The following CAMK1G variants were observed in gnomAD, a reference collection of about 807,000 sequenced individuals.
CAMK1G encodes calcium/calmodulin dependent protein kinase IG.
Under a neutral mutation model 54.8 loss-of-function variants are expected in CAMK1G, and 27 were observed. That is an observed-to-expected ratio of 0.49 (90% confidence interval 0.36 to 0.68). CAMK1G has a LOEUF of 0.68. Ranked by LOEUF, CAMK1G falls within the 30% of genes least tolerant of loss-of-function variation. The pLI is 0.00. For synonymous variants in CAMK1G, 238 were observed against 224.9 expected, an observed-to-expected ratio of 1.06 and a Z score of -0.52; for missense variants, 512 against 591.0, an observed-to-expected ratio of 0.87 and a Z score of 1.39.
intron 1 of CAMK1G, among the ~76,000 whole-genome samples, chr1:209,584,124 C>T (rs1011061206): frequency 6.6e-6 from 1 of 152,124 alleles, no homozygotes; most frequent in Non-Finnish European, 1.5e-5. Context: ...TAGAGGGACC[C>T]CGTCCATCTG....
intron 2 of CAMK1G, among the ~76,000 whole-genome samples, chr1:209,599,047 A>T (rs901252063): frequency 1.3e-5 from 2 of 152,220 alleles, no homozygotes; most frequent in Admixed American, 6.5e-5. Flanking sequence ...CAATCATGGC[A>T]GAAGGTGAAG....
intron 1 of CAMK1G, among the ~76,000 whole-genome samples, chr1:209,587,886 C>T (rs1251092788): frequency 1.3e-5 from 2 of 151,046 alleles, no homozygotes; most frequent in Non-Finnish European, 3.0e-5. Flanking sequence ...TCGGTGTGCC[C>T]CAGCCTGGAG....
chr1:209,590,161 A>G (rs1368167179), intron 1 of CAMK1G, among the ~76,000 whole-genome samples: 1 of 152,220 alleles, frequency 6.6e-6, no homozygotes, highest in African/African-American at 2.4e-5. Flanking sequence ...TGGAGCTTCA[A>G]GCTCCTTAGA....
At position 209,590,759 on chromosome 1, in the gene CAMK1G, T is replaced by C. The variant is rs7527972; in HGVS notation, c.-29-4196T>C. ...AGAGAGCAAGGATGGGGGAGGCACA[T>C]AGGCGGCTGATTTTGCTTTGTTAAA... On this transcript the variant is annotated intron_variant, in intron 1 of 12. Coordinates refer to ENST00000361322, the MANE Select transcript of CAMK1G (RefSeq NM_020439.3). 9.3e-3 allele frequency among the ~76,000 whole-genome samples: 1,421 copies of C among 152,164 alleles called. 21 individuals carry two copies. The highest frequency in any genetic ancestry group is 0.033 in the African/African-American group (1,360 of 41,504).
intron 1 of CAMK1G, among the ~76,000 whole-genome samples, chr1:209,587,441 T>C (rs1665131975): frequency 6.6e-6 from 1 of 152,066 alleles, no homozygotes; most frequent in Non-Finnish European, 1.5e-5. Context: ...ATCTACGAAA[T>C]TTGGGAAATG....
At chr1:209,602,884 G>A (rs1430037323) in intron 3 of CAMK1G, among the ~76,000 whole-genome samples, 2 of 152,170 alleles carry the variant, frequency 1.3e-5, no homozygotes, top group Non-Finnish European at 2.9e-5. Context: ...ATAACCTAGT[G>A]TTGGGTACTC....
At chr1:209,597,552 C>T (rs557345844) in intron 2 of CAMK1G, among the ~76,000 whole-genome samples, 19 of 152,306 alleles carry the variant, frequency 1.2e-4, no homozygotes, top group African/African-American at 4.6e-4. Flanking sequence ...AGAATGGAAA[C>T]ACTCACCTTT....
chr1:209,595,744 C>A (rs74451179), intron 2 of CAMK1G, among the ~76,000 whole-genome samples: 1,947 of 152,336 alleles, frequency 0.013, 47 homozygotes, highest in African/African-American at 0.045. Flanking sequence ...CCTGCACCAC[C>A]ATCCTCCCTC....
intron 9 of CAMK1G, 87 bp downstream of exon 9, chr1:209,610,016 T>A: frequency 9.3e-7 from 1 of 1,078,444 alleles, no homozygotes; most frequent in Non-Finnish European, 1.4e-6. Flanking sequence ...TTCCCTGGAA[T>A]CTGCTTGTCC....
intron 3 of CAMK1G, among the ~76,000 whole-genome samples, chr1:209,602,954 G>A (rs1430046510): frequency 1.3e-5 from 2 of 152,090 alleles, no homozygotes; most frequent in Non-Finnish European, 2.9e-5. Flanking sequence ...GAGATTCCTG[G>A]CATAACAAGG....
Position 209,613,025 on chromosome 1 carries a change from C to T in CAMK1G, c.*38-15C>T, listed in dbSNP as rs1392133362. On this transcript the variant is annotated splice_polypyrimidine_tract_variant and intron_variant, in intron 12 of 12. Transcript: ENST00000361322. ...TGGCAACCCCCTCCTCACTCTGAGC[C>T]CCTTTCTCTTGCAGGAGACATATTC... is the stretch of plus-strand genomic sequence containing the variant. 1.7e-6 allele frequency: 1 copy of T among 604,900 alleles called. No individual in the cohort carries two copies. Among genetic ancestry groups the T allele is most frequent in the East Asian group, 2.8e-5 (1 of 35,766 alleles). 37.5% of individuals were successfully genotyped at this position (604,900 alleles called of 1,614,324 possible). A position where few individuals can be genotyped will look rare whatever the true frequency, so the allele number is the denominator to read the frequency against.
At chr1:209,604,183 G>C (rs1369807816) in intron 4 of CAMK1G, among the ~76,000 whole-genome samples, 1 of 152,204 alleles carries the variant, frequency 6.6e-6, no homozygotes, top group Non-Finnish European at 1.5e-5. Context: ...CTAAGCACCT[G>C]ATTAACTGGG....
In CAMK1G at chr1:209,609,062, T is replaced by C; in HGVS notation, c.718T>C (p.Ser240Pro). 7 of 1,613,952 alleles carry C rather than the reference T, an allele frequency of 4.3e-6. No individual in the cohort carries two copies. The highest frequency in any genetic ancestry group is 5.9e-6 in the Non-Finnish European group (7 of 1,179,976). Residue 240 changes from serine (S) to proline (P), a missense_variant, in exon 8 of 13, where the codon TCT becomes CCT. By Grantham distance (74) the Ser-to-Pro change is moderately conservative. Around this residue, in one of 3 missense-constraint regions of CAMK1G, gnomAD observed 315 missense variants for 330.5 expected, o/e 0.95. Coordinates refer to ENST00000361322, the MANE Select transcript of CAMK1G (RefSeq NM_020439.3). ...CAAGGAGGGCTACTATGAGTTTGAGTCTCCATTCTGGGATGACATTTCTGA... is the reference window on the plus strand; with the variant it reads ...CAAGGAGGGCTACTATGAGTTTGAGCCTCCATTCTGGGATGACATTTCTGA... ...KIKEGYYEFE[S>P]PFWDDISESA...
intron 1 of CAMK1G, among the ~76,000 whole-genome samples, chr1:209,586,599 C>T (rs1665107766): frequency 6.6e-6 from 1 of 152,086 alleles, no homozygotes; most frequent in Non-Finnish European, 1.5e-5. Flanking sequence ...TTCTCCAGTG[C>T]TTAGTGTTTA....
chr1:209,599,156 C>T (rs545516409), intron 2 of CAMK1G, among the ~76,000 whole-genome samples: 1 of 152,116 alleles, frequency 6.6e-6, no homozygotes, highest in Non-Finnish European at 1.5e-5. Flanking sequence ...AGAACTCACT[C>T]ACTATCCTGA....
rs906694957 is a variant in CAMK1G, at chr1:209,599,862, T to C, written c.93-121T>C. On this transcript the variant is annotated intron_variant, in intron 2 of 12. Coordinates refer to ENST00000361322, the MANE Select transcript of CAMK1G (RefSeq NM_020439.3). ...ATGTTTCTTCCAGATTTAAATTCAG[T>C]ATATGCCTTTGTGGTCAGAGGACTA... 9.4e-6 allele frequency: 11 copies of C among 1,165,722 alleles called. No individual in the cohort carries two copies. The East Asian group carries it at 2.6e-4, about 27-fold the overall frequency. 72.2% of individuals were successfully genotyped at this position (1,165,722 alleles called of 1,614,324 possible). A position where few individuals can be genotyped will look rare whatever the true frequency, so the allele number is the denominator to read the frequency against.
intron 4 of CAMK1G, 123 bp downstream of exon 4, chr1:209,603,411 G>C (rs890811369): frequency 1.4e-6 from 1 of 739,612 alleles, no homozygotes; most frequent in African/African-American, 1.8e-5. Flanking sequence ...CTTCATTCAG[G>C]AGGCTCAGAA....
In CAMK1G at chr1:209,600,034, C is replaced by G. The variant is rs768791768; in HGVS notation, c.144C>G (p.Leu48=). 3 of 1,614,002 alleles carry G rather than the reference C, an allele frequency of 1.9e-6. No homozygotes were observed. In the South Asian group the frequency reaches 3.3e-5, roughly 18 times the overall value. Residue 48 remains leucine (L), a synonymous_variant, in exon 3 of 13, where the codon CTC becomes CTG. Coordinates refer to ENST00000361322, the MANE Select transcript of CAMK1G (RefSeq NM_020439.3). ...TGAAGCAAAGACTGACTGGGAAGCT[C>G]TTTGCTCTGAAGTGCATCAAGAAGT... The part of the protein sequence containing the change: ...FLVKQRLTGK[L]FALKCIKKSP...
chr1:209,612,282 A>G, intron 11 of CAMK1G, 66 bp downstream of exon 11: 1 of 1,545,448 alleles, frequency 6.5e-7, no homozygotes, highest in Non-Finnish European at 8.8e-7. Flanking sequence ...AACAGGACTG[A>G]AAGAAATGGA....
Sources: gnomAD v4.1 joint callset for allele counts (sites outside exome capture counted in the v4.1 genomes callset) on GRCh38, gnomAD v4.1.1 for gene constraint, gnomAD v4.1.1 regional missense constraint, MANE v1.5 for transcripts, NCBI Gene and HGNC (gene_info 2026-07-23, HGNC 2026-07-21) for gene names.